SFXN2: variants seen among roughly 807,000 people sequenced by gnomAD.
SFXN2 encodes the protein sideroflexin-2.
SFXN2 carries 37 observed loss-of-function variants against 41.9 expected under a neutral mutation model. The ratio of observed to expected loss-of-function variants is 0.88; its 90% CI spans 0.68 to 1.16. SFXN2 has a LOEUF of 1.16. Ranked by LOEUF, SFXN2 falls within the 50% of genes most tolerant of loss-of-function variation. The probability of loss-of-function intolerance (pLI) is 0.00; values close to 1 mark genes in which losing one functional copy is unlikely to be tolerated. For synonymous variants in SFXN2, 150 were observed against 156.7 expected, an observed-to-expected ratio of 0.96 and a Z score of 0.32; for missense variants, 386 against 425.2, an observed-to-expected ratio of 0.91 and a Z score of 0.81.
At chr10:102,717,407 C>A (rs755878196) in intron 1 of SFXN2, among the ~76,000 whole-genome samples, 4 of 152,052 alleles carry the variant, frequency 2.6e-5, no homozygotes, top group Non-Finnish European at 4.4e-5. Context: ...GGATTACAGG[C>A]GTGAGCCACT....
chr10:102,737,720 T>C lies in SFXN2; in HGVS notation c.927T>C (p.Tyr309=), dbSNP rs2064800416. The change falls in exon 12 of 12, where the codon TAT becomes TAC. Residue 309 remains tyrosine, a synonymous_variant. Coordinates refer to ENST00000369893, the MANE Select transcript of SFXN2 (RefSeq NM_178858.6). ...PKLQDTIKAK[Y]GELEPYVYFN... is the part of the protein sequence containing the mutation. Reference sequence around the variant, plus strand: ...TCCAAGACACTATCAAGGCCAAGTATGGAGAACTTGAGCCTTATGTCTACT... The same window carrying C: ...TCCAAGACACTATCAAGGCCAAGTACGGAGAACTTGAGCCTTATGTCTACT... 3 of 1,613,330 alleles carry C rather than the reference T, an allele frequency of 1.9e-6. No homozygotes were observed. The East Asian group carries it at 6.7e-5, about 36-fold the overall frequency.
At chr10:102,735,203 C>T (rs1308535631) in intron 10 of SFXN2, among the ~76,000 whole-genome samples, 1 of 149,772 alleles carries the variant, frequency 6.7e-6, no homozygotes, top group Non-Finnish European at 1.5e-5. Context: ...CTCCATGTTG[C>T]TCCTCCCCTC....
intron 1 of SFXN2, chr10:102,715,224 G>A (rs1245266156): frequency 6.5e-6 from 1 of 152,912 alleles, no homozygotes; most frequent in Admixed American, 6.5e-5. Context: ...TTTTTGTAGA[G>A]ACGGAGTTTC....
At chr10:102,718,065 C>T (rs114553322) in intron 1 of SFXN2, among the ~76,000 whole-genome samples, 1,855 of 152,212 alleles carry the variant, frequency 0.012, 33 homozygotes, top group African/African-American at 0.042. Flanking sequence ...CCAGACAGAT[C>T]GTTTAGTGTT....
At position 102,739,122 on chromosome 10, in the gene SFXN2, ACT is replaced by A. The variant is rs1257584728; in HGVS notation, c.*1363_*1364del. The A allele has an allele frequency of 2.0e-5, 3 of 152,184 alleles. No individual in the cohort carries two copies. Among genetic ancestry groups the A allele is most frequent in the African/African-American group, 4.8e-5 (2 of 41,420 alleles). 9.4% of individuals were successfully genotyped at this position (152,184 alleles called of 1,614,324 possible). A position where few individuals can be genotyped will look rare whatever the true frequency, so the allele number is the denominator to read the frequency against. ...TGAGTTTTGTCTGGTAGGATTGCTG[ACT>A]CTGTCCAACAGATATCACTGTGAAT... On this transcript the variant is annotated 3_prime_UTR_variant, in exon 12 of 12. Transcript: ENST00000369893.
intron 1 of SFXN2, among the ~76,000 whole-genome samples, chr10:102,717,121 TCTC>T (rs1307820020): frequency 7.8e-6 from 1 of 128,060 alleles, no homozygotes; most frequent in Admixed American, 9.2e-5. Context: ...ACATTCTCTC[TCTC>T]TTTTTTTTTT....
intron 9 of SFXN2, 22 bp downstream of exon 9, chr10:102,732,930 ATT>A (rs1265406466): frequency 6.2e-7 from 1 of 1,613,226 alleles, no homozygotes; most frequent in African/African-American, 1.3e-5. Flanking sequence ...TTGCTTTGGC[ATT>A]TTCCCTGCCC....
intron 10 of SFXN2, among the ~76,000 whole-genome samples, chr10:102,735,495 T>C (rs1356196978): frequency 6.8e-6 from 1 of 147,428 alleles, no homozygotes; most frequent in Admixed American, 6.7e-5. Context: ...CCCTCCATGT[T>C]GCTCCTCCCC....
chr10:102,719,365 G>A (rs1230060191), intron 1 of SFXN2, among the ~76,000 whole-genome samples: 3 of 151,476 alleles, frequency 2.0e-5, no homozygotes, highest in Non-Finnish European at 4.4e-5. Context: ...AGGATGATAG[G>A]TGCCTGCCAC....
chr10:102,723,442 G>C (rs1432011320), intron 1 of SFXN2, among the ~76,000 whole-genome samples: 1 of 149,944 alleles, frequency 6.7e-6, no homozygotes, highest in Non-Finnish European at 1.5e-5. Context: ...AGTAGAGATG[G>C]GGTTTCACCG....
At position 102,738,747 on chromosome 10, in the gene SFXN2, G is replaced by A. The variant is rs2064814728; in HGVS notation, c.*985G>A. On this transcript the variant is annotated 3_prime_UTR_variant, in exon 12 of 12. Transcript: ENST00000369893. ...TTCTTGGAATCTTCTCTATAATAAG[G>A]GAAGTTCTCTTACCCCACTGCCACA... 6.6e-6 allele frequency: 1 copy of A among 152,332 alleles called. No individual in the cohort carries two copies. Among genetic ancestry groups the A allele is most frequent in the Admixed American group, 6.6e-5 (1 of 15,264 alleles). 9.4% of individuals were successfully genotyped at this position (152,332 alleles called of 1,614,324 possible). A position where few individuals can be genotyped will look rare whatever the true frequency, so the allele number is the denominator to read the frequency against.
intron 3 of SFXN2, among the ~76,000 whole-genome samples, chr10:102,727,422 G>C (rs1038602926): frequency 6.6e-6 from 1 of 152,182 alleles, no homozygotes; most frequent in Non-Finnish European, 1.5e-5. Context: ...AGGAAATATG[G>C]GTGCCTGGAT....
chr10:102,715,200 T>A (rs1383881936), intron 1 of SFXN2: 1 of 152,496 alleles, frequency 6.6e-6, no homozygotes, highest in African/African-American at 2.4e-5. Flanking sequence ...GCCTGGATAA[T>A]TTTTTGTATT....
intron 5 of SFXN2, 53 bp from the exon 6 acceptor site, chr10:102,729,670 C>T: frequency 6.4e-7 from 1 of 1,564,540 alleles, no homozygotes; most frequent in South Asian, 1.1e-5. Context: ...GCCCCCTCCC[C>T]TCCCATCTTC....
rs149056754 is a variant in SFXN2, at chr10:102,727,069, A to G, written c.244A>G (p.Thr82Ala). 28 of 1,611,034 alleles carry G rather than the reference A, an allele frequency of 1.7e-5. No homozygotes were observed. Among genetic ancestry groups the G allele is most frequent in the Non-Finnish European group, 2.3e-5 (27 of 1,177,614 alleles). The change falls in exon 3 of 12, where the codon ACT becomes GCT. Residue 82 changes from threonine to alanine, a missense_variant. Coordinates refer to ENST00000369893, the MANE Select transcript of SFXN2 (RefSeq NM_178858.6). Reference sequence around the variant, plus strand: ...GTATGACTCGGCCTTCCACCCCGACACTGGGGAGAAGATGAATGTCATCGG... The same window carrying G: ...GTATGACTCGGCCTTCCACCCCGACGCTGGGGAGAAGATGAATGTCATCGG... ...KLYDSAFHPD[T>A]GEKMNVIGRM...
rs145057576 is a variant in SFXN2, at chr10:102,729,609, A to G, written c.508-114A>G. ...TGGGGTTCCCAGACTGGGTGTCTGGATGTGTGGCGGTAGCAAGGCCTAGTT... is the reference window on the plus strand; with the variant it reads ...TGGGGTTCCCAGACTGGGTGTCTGGGTGTGTGGCGGTAGCAAGGCCTAGTT... On this transcript the variant is annotated intron_variant, in intron 5 of 11. Coordinates refer to ENST00000369893, the MANE Select transcript of SFXN2 (RefSeq NM_178858.6). 1,243 of 1,202,330 alleles carry G rather than the reference A, an allele frequency of 1.0e-3. 8 individuals carry two copies. The African/African-American group carries it at 0.017, about 16-fold the overall frequency. The allele number at this position is 1,202,330 out of a possible 1,614,324, so 74.5% of individuals were successfully genotyped here.
chr10:102,735,983 A>G, intron 11 of SFXN2, 74 bp downstream of exon 11: 1 of 1,421,678 alleles, frequency 7.0e-7, no homozygotes. Flanking sequence ...CCTGCTGTCC[A>G]GAAGGAGACA....
At chr10:102,718,477 CTGAGATAAA>C (rs934603559) in intron 1 of SFXN2, among the ~76,000 whole-genome samples, 4 of 152,240 alleles carry the variant, frequency 2.6e-5, no homozygotes, top group African/African-American at 9.6e-5. Context: ...TCAGCTGGGA[CTGAGATAAA>C]TGCCTTTGGT....
intron 6 of SFXN2, among the ~76,000 whole-genome samples, chr10:102,731,248 C>CA (rs2064699115): frequency 8.1e-6 from 1 of 123,984 alleles, no homozygotes; most frequent in African/African-American, 3.2e-5. Context: ...GCCTGGGTGA[C>CA]AGAGTGCGAT....
Sources: allele counts gnomAD v4.1 joint callset (sites outside exome capture counted in the v4.1 genomes callset), GRCh38; gene constraint gnomAD v4.1.1; transcripts MANE v1.5; gene names NCBI Gene and HGNC (gene_info 2026-07-23, HGNC 2026-07-21).